Variants in NEK11 observed in about 807,000 individuals in gnomAD.
The protein encoded by NEK11 is NIMA related kinase 11.
A neutral mutation model predicts 80.7 loss-of-function variants in NEK11; 72 were observed. That is an observed-to-expected ratio of 0.89 (90% CI 0.74 to 1.08). The LOEUF (loss-of-function observed/expected upper bound fraction) is 1.08, where lower values mean the gene tolerates loss of function less well. NEK11 is among the 50% of genes least tolerant of loss of function. NEK11 has a pLI of 0.00. For synonymous variants in NEK11, 251 were observed against 260.7 expected (o/e 0.96, Z 0.36); for missense variants, 764 against 763.6 (o/e 1.00, Z -0.01).
chr3:131,182,106 CTT>C (rs1297005809), intron 14 of NEK11, among the ~76,000 whole-genome samples: 3 of 148,822 alleles, frequency 2.0e-5, no homozygotes, highest in African/African-American at 7.4e-5. Flanking sequence ...CTGTCAAACT[CTT>C]TCATTTTTTG....
chr3:131,198,809 C>A (rs1003535787), intron 14 of NEK11, among the ~76,000 whole-genome samples: 6 of 152,226 alleles, frequency 3.9e-5, no homozygotes, highest in Non-Finnish European at 7.3e-5. Context: ...GCTGCTTCTG[C>A]CTCAGGTGTC....
At chr3:131,228,282 A>G (rs182618219) in intron 14 of NEK11, among the ~76,000 whole-genome samples, 1 of 152,182 alleles carries the variant, frequency 6.6e-6, no homozygotes, top group East Asian at 1.9e-4. Context: ...TTATTTAATG[A>G]TTTTTTTCTT....
In NEK11 at chr3:131,068,441, A is replaced by G. The variant is rs149740043; in HGVS notation, c.171-11982A>G. Among the ~76,000 whole-genome samples the G allele has an allele frequency of 5.3e-5, 8 of 152,306 alleles. No homozygotes were observed. The South Asian group carries it at 1.0e-3, about 20-fold the overall frequency. ...TTGTATTCAAGTATCACACTTTTTGATTCTAATGTTTTCCTTTGATCATAT... is the reference window on the plus strand; with the variant it reads ...TTGTATTCAAGTATCACACTTTTTGGTTCTAATGTTTTCCTTTGATCATAT... On this transcript the variant is annotated intron_variant, in intron 3 of 17. Coordinates refer to ENST00000383366, the MANE Select transcript of NEK11 (RefSeq NM_024800.5).
rs577430900 is a variant in NEK11 at position 131,183,851 on chromosome 3, A to G, written c.1399+12964A>G. On this transcript the variant is annotated intron_variant, in intron 14 of 17. Coordinates refer to ENST00000383366, the MANE Select transcript of NEK11 (RefSeq NM_024800.5). The stretch of plus-strand genomic sequence containing the variant: ...TATTTCTGGTTCTAGGCCTTTGAGG[A>G]ATCACCACACTGTCTTCCACAATGG... Among the ~76,000 whole-genome samples, 4 of 152,264 alleles carry G rather than the reference A, an allele frequency of 2.6e-5. No homozygotes were observed. The South Asian group carries it at 8.3e-4, about 32-fold the overall frequency.
At chr3:131,224,921 CAATA>C (rs1281128261) in intron 14 of NEK11, among the ~76,000 whole-genome samples, 12 of 152,076 alleles carry the variant, frequency 7.9e-5, no homozygotes, top group Non-Finnish European at 1.8e-4. Flanking sequence ...AGTGTTATTA[CAATA>C]GAGTCAAGAA....
At chr3:131,158,586 G>T (rs2091091274) in intron 10 of NEK11, among the ~76,000 whole-genome samples, 1 of 152,188 alleles carries the variant, frequency 6.6e-6, no homozygotes, top group Admixed American at 6.5e-5. Context: ...CATGCACAGA[G>T]GTTGCACACA....
In NEK11 at chr3:131,228,604, G is replaced by A. The variant is rs145914506; in HGVS notation, c.1476G>A (p.Glu492=). 2 of 1,613,420 alleles carry A rather than the reference G, an allele frequency of 1.2e-6. No homozygotes were observed. The highest frequency in any genetic ancestry group is 1.7e-5 in the Admixed American group (1 of 59,986). Residue 492 remains glutamate (E), a synonymous_variant, in exon 15 of 18, where the codon GAG becomes GAA. Coordinates refer to ENST00000383366, the MANE Select transcript of NEK11 (RefSeq NM_024800.5). ...ATTCCTATTGTGAAGAGAGTGATGA[G>A]GAGGAAGAAGAAATAGCGTTAGAAA... ...AFDSYCEESD[E]EEEEIALERP... is the part of the protein sequence containing the mutation.
intron 10 of NEK11, among the ~76,000 whole-genome samples, chr3:131,161,072 A>G (rs1234756702): frequency 6.6e-6 from 1 of 150,694 alleles, no homozygotes; most frequent in African/African-American, 2.4e-5. Context: ...AGTCCCAGCT[A>G]CTCAGGAGGC....
Position 131,027,923 on chromosome 3 carries a change from C to G in NEK11, c.-169-7C>G, listed in dbSNP as rs1013101901. On this transcript the variant is annotated splice_polypyrimidine_tract_variant and splice_region_variant and intron_variant, in intron 1 of 17. Coordinates refer to ENST00000383366, the MANE Select transcript of NEK11 (RefSeq NM_024800.5). ...TGTCCGTCCCTAATTCTGTCCTTCT[C>G]TAAAAGGAACCTTAATCTCATCTTT... is the stretch of plus-strand genomic sequence containing the variant. The G allele has an allele frequency of 6.6e-6, 1 of 152,216 alleles. No individual in the cohort carries two copies. The highest frequency in any genetic ancestry group is 1.5e-5 in the Non-Finnish European group (1 of 68,046). The allele number at this position is 152,216 out of a possible 1,614,324, so 9.4% of individuals were successfully genotyped here.
intron 7 of NEK11, among the ~76,000 whole-genome samples, chr3:131,146,239 T>C (rs2088230878): frequency 6.6e-6 from 1 of 152,108 alleles, no homozygotes; most frequent in South Asian, 2.1e-4. Flanking sequence ...TTACTTGGAC[T>C]TGCAAATTTG....
intron 5 of NEK11, among the ~76,000 whole-genome samples, chr3:131,132,366 C>G (rs908184247): frequency 6.6e-6 from 1 of 151,900 alleles, no homozygotes; most frequent in Non-Finnish European, 1.5e-5. Flanking sequence ...ATTATTTTCA[C>G]AAGTATATAA....
chr3:131,346,598 T>C (rs559900595), intron 17 of NEK11, among the ~76,000 whole-genome samples: 1 of 152,238 alleles, frequency 6.6e-6, no homozygotes, highest in Admixed American at 6.5e-5. Context: ...GTGGAAAAAG[T>C]CAAAGGTATT....
chr3:131,073,932 A>G (rs1200344068), intron 3 of NEK11, among the ~76,000 whole-genome samples: 1 of 152,160 alleles, frequency 6.6e-6, no homozygotes, highest in African/African-American at 2.4e-5. Context: ...GAGCAATTTT[A>G]GCCAGTGAAT....
intron 10 of NEK11, among the ~76,000 whole-genome samples, chr3:131,161,815 T>A (rs1011127971): frequency 6.6e-6 from 1 of 152,226 alleles, no homozygotes; most frequent in Non-Finnish European, 1.5e-5. Flanking sequence ...AACCTGCACA[T>A]GCATCCCTGA....
chr3:131,119,933 A>G (rs921104750), intron 5 of NEK11, among the ~76,000 whole-genome samples: 1 of 152,112 alleles, frequency 6.6e-6, no homozygotes, highest in Non-Finnish European at 1.5e-5. Context: ...TCTTTATCCA[A>G]TTTGCCAGTC....
rs143611321 is a variant in NEK11, at chr3:131,065,894, A to G, written c.171-14529A>G. On this transcript the variant is annotated intron_variant, in intron 3 of 17. Transcript: ENST00000383366. ...TTTTAGATTTTCATCCAAGTCATTA[A>G]TAAAATGTAAGTGAGGATATTGTTA... Among the ~76,000 whole-genome samples the G allele has an allele frequency of 1.4e-3, 218 of 152,300 alleles. 1 individual carries two copies. Among genetic ancestry groups the G allele is most frequent in the South Asian group, 2.7e-3 (13 of 4,824 alleles).
intron 12 of NEK11, among the ~76,000 whole-genome samples, 171 bp downstream of exon 12, chr3:131,165,690 A>G (rs903840776): frequency 1.3e-5 from 2 of 152,234 alleles, no homozygotes; most frequent in African/African-American, 4.8e-5. Flanking sequence ...ACAACGATTC[A>G]AAGCGGCTGT....
At chr3:131,220,908 G>A (rs1002164020) in intron 14 of NEK11, among the ~76,000 whole-genome samples, 4 of 152,072 alleles carry the variant, frequency 2.6e-5, no homozygotes, top group Admixed American at 6.6e-5. Context: ...GTTTTAGTAC[G>A]ATGAAGACAT....
At chr3:131,203,383 A>T in intron 14 of NEK11, among the ~76,000 whole-genome samples, 1 of 146,498 alleles carries the variant, frequency 6.8e-6, no homozygotes. Flanking sequence ...GAACAATGAG[A>T]ACACATGGAC....
Sources: gnomAD v4.1 joint callset for allele counts (sites outside exome capture counted in the v4.1 genomes callset) on GRCh38, gnomAD v4.1.1 for gene constraint, MANE v1.5 for transcripts, NCBI Gene and HGNC (gene_info 2026-07-23, HGNC 2026-07-21) for gene names.